Variants in RAD54L2 observed in about 807,000 individuals in gnomAD.
RAD54L2 encodes the protein RAD54 like 2, also known as helicase ARIP4.
Under a neutral mutation model 138.4 loss-of-function variants are expected in RAD54L2, and 27 were observed. That is an observed-to-expected ratio of 0.20 (90% confidence interval 0.14 to 0.27). The LOEUF (loss-of-function observed/expected upper bound fraction) is 0.27, where lower values mean the gene tolerates loss of function less well. Among genes scored for constraint, RAD54L2 ranks in the 10% least tolerant of loss-of-function variants. The probability of loss-of-function intolerance (pLI) is 1.00; values close to 1 mark genes in which losing one functional copy is unlikely to be tolerated. For missense variants in RAD54L2, 1,396 were observed against 1,890.2 expected (o/e 0.74, Z 4.85); for synonymous variants, 644 against 723.2 (o/e 0.89, Z 1.76).
In RAD54L2 at chr3:51,637,123, C is replaced by G. The variant is rs370461731; in HGVS notation, c.1340-38C>G. The G allele has an allele frequency of 6.6e-6, 10 of 1,521,390 alleles. No homozygotes were observed. The highest frequency in any genetic ancestry group is 8.0e-6 in the Non-Finnish European group (9 of 1,119,770). 94.2% of individuals were successfully genotyped at this position (1,521,390 alleles called of 1,614,324 possible). ...TCATATTATTGACTAAGAGCAGGCC[C>G]TGTCACCCTCTGACTCCGGATCCTC... On this transcript the variant is annotated intron_variant, in intron 10 of 22. Transcript: ENST00000684192. This position sits in a 1 kb window ranked among gnomAD's most constrained non-coding sequence, Gnocchi z 5.9.
At chr3:51,631,549 G>T (rs930032107) in intron 7 of RAD54L2, among the ~76,000 whole-genome samples, 9 of 135,018 alleles carry the variant, frequency 6.7e-5, no homozygotes, top group African/African-American at 2.2e-4. Context: ...TCGCCACGTT[G>T]CCCAAGCTGA....
At chr3:51,545,666 A>G (rs1553672123) in intron 2 of RAD54L2, among the ~76,000 whole-genome samples, 1 of 151,688 alleles carries the variant, frequency 6.6e-6, no homozygotes, top group Non-Finnish European at 1.5e-5. Flanking sequence ...TGTAGCCTTG[A>G]CCTCTCAGGC....
In RAD54L2 at chr3:51,667,543, A is replaced by C. The variant is rs1701934773; in HGVS notation, c.*4123A>C. 1 of 152,022 alleles carries C rather than the reference A, an allele frequency of 6.6e-6. No individual in the cohort carries two copies. Among genetic ancestry groups the C allele is most frequent in the Non-Finnish European group, 1.5e-5 (1 of 68,048 alleles). 9.4% of individuals were successfully genotyped at this position (152,022 alleles called of 1,614,324 possible). ...TGTGCACCCAGCTCAGTGGCTCTTC[A>C]CCCCTAAAACTAAGTGAAGTCATCC... On this transcript the variant is annotated 3_prime_UTR_variant, in exon 23 of 23. Coordinates refer to ENST00000684192, the MANE Select transcript of RAD54L2 (RefSeq NM_015106.4).
At chr3:51,646,111 A>T (rs1211212457) in intron 18 of RAD54L2, among the ~76,000 whole-genome samples, 174 bp from the exon 19 acceptor site, 3 of 152,224 alleles carry the variant, frequency 2.0e-5, no homozygotes, top group African/African-American at 7.2e-5. Context: ...AGCTGGTACT[A>T]GGTTAGAGCT....
rs921733361 is a variant in RAD54L2, at chr3:51,642,339, T to C, written c.2350+472T>C. Among the ~76,000 whole-genome samples the C allele has an allele frequency of 1.4e-3, 210 of 152,184 alleles. 1 individual carries two copies. In the Middle Eastern group the frequency reaches 0.017, roughly 12 times the overall value. On this transcript the variant is annotated intron_variant, in intron 15 of 22. Transcript: ENST00000684192. ...ACTTTAAGGGGATGAACTTTTTTTT[T>C]TTTTTTTTGAGCAGGGGGTGGAAAT...
At chr3:51,554,364 CAAA>C (rs763034796) in intron 2 of RAD54L2, among the ~76,000 whole-genome samples, 2 of 117,254 alleles carry the variant, frequency 1.7e-5, no homozygotes, top group Admixed American at 9.1e-5. Flanking sequence ...GAGACTCTTT[CAAA>C]AAAAAAAAAA....
intron 2 of RAD54L2, among the ~76,000 whole-genome samples, chr3:51,564,318 A>G (rs1179504366): frequency 3.9e-5 from 6 of 152,196 alleles, no homozygotes; most frequent in Non-Finnish European, 7.4e-5. Flanking sequence ...TTTCTTTTCT[A>G]TTCTTCTCTT....
chr3:51,542,724 A>G (rs555238880), intron 2 of RAD54L2, among the ~76,000 whole-genome samples: 4 of 152,202 alleles, frequency 2.6e-5, no homozygotes, highest in African/African-American at 9.6e-5. Flanking sequence ...TGGCCTCCCA[A>G]AGTGCTGGGG....
intron 3 of RAD54L2, among the ~76,000 whole-genome samples, chr3:51,623,980 CAAAAAAAA>C (rs35064930): frequency 2.7e-5 from 2 of 74,042 alleles, no homozygotes; most frequent in South Asian, 8.7e-4. Flanking sequence ...CTCCGTCTCA[CAAAAAAAA>C]AAAAAAAAAA....
intron 2 of RAD54L2, among the ~76,000 whole-genome samples, chr3:51,584,704 C>A (rs1699676557): frequency 6.7e-6 from 1 of 149,014 alleles, no homozygotes; most frequent in Non-Finnish European, 1.5e-5. Flanking sequence ...AGTAACTGAA[C>A]TTTCTTTTGT....
At position 51,638,627 on chromosome 3, in the gene RAD54L2, C is replaced by G; in HGVS notation, c.1860+306C>G. On this transcript the variant is annotated intron_variant, in intron 12 of 22. Coordinates refer to ENST00000684192, the MANE Select transcript of RAD54L2 (RefSeq NM_015106.4). The surrounding 1 kb of genome is among the most constrained non-coding windows in gnomAD (Gnocchi z 4.3). ...TACTGTGGGGCAGCGTTTTTGACTG[C>G]TAGCATAATCAGAATTCAAGAGATA... The G allele has an allele frequency of 7.0e-6, 2 of 285,264 alleles. No homozygotes were observed. The highest frequency in any genetic ancestry group is 1.3e-5 in the Non-Finnish European group (2 of 152,466). The allele number at this position is 285,264 out of a possible 1,614,324, so 17.7% of individuals were successfully genotyped here.
At chr3:51,560,649 G>C (rs1437480549) in intron 2 of RAD54L2, among the ~76,000 whole-genome samples, 1 of 152,064 alleles carries the variant, frequency 6.6e-6, no homozygotes, top group Non-Finnish European at 1.5e-5. Flanking sequence ...GAGCCACCGT[G>C]CCTGGCCCCC....
At chr3:51,571,699 G>C (rs1003175083) in intron 2 of RAD54L2, among the ~76,000 whole-genome samples, 2 of 152,042 alleles carry the variant, frequency 1.3e-5, no homozygotes, top group African/African-American at 4.8e-5. Flanking sequence ...TGAGTGGTGG[G>C]ACATGCATAG....
rs532911299 is a variant in RAD54L2 at position 51,638,862 on chromosome 3, G to T, written c.1860+541G>T. On this transcript the variant is annotated intron_variant, in intron 12 of 22. Coordinates refer to ENST00000684192, the MANE Select transcript of RAD54L2 (RefSeq NM_015106.4). This position sits in a 1 kb window ranked among gnomAD's most constrained non-coding sequence, Gnocchi z 4.3. ...AGGTATGTGTCTGGGGACAAGAGGG[G>T]TTTCCAAATATTTCTTTTATAGCCA... 6.4e-4 allele frequency: 101 copies of T among 158,588 alleles called. 1 individual carries two copies. The highest frequency in any genetic ancestry group is 1.9e-3 in the South Asian group (10 of 5,316). 9.8% of individuals were successfully genotyped at this position (158,588 alleles called of 1,614,324 possible).
intron 2 of RAD54L2, among the ~76,000 whole-genome samples, chr3:51,575,967 T>A (rs1699471534): frequency 6.6e-6 from 1 of 152,226 alleles, no homozygotes; most frequent in South Asian, 2.1e-4. Flanking sequence ...CCATTCAGTA[T>A]GATATTGGCT....
intron 19 of RAD54L2, among the ~76,000 whole-genome samples, chr3:51,649,062 A>T (rs9812008): frequency 0.038 from 5,805 of 152,124 alleles, 391 homozygotes; most frequent in African/African-American, 0.13. Flanking sequence ...TTGAAAAAAG[A>T]TTAGACAAAT....
chr3:51,555,017 A>AT (rs1577384898), intron 2 of RAD54L2, among the ~76,000 whole-genome samples: 1 of 151,832 alleles, frequency 6.6e-6, no homozygotes, highest in Admixed American at 6.6e-5. Context: ...TAATTTTTGT[A>AT]TTTTTTATAG....
chr3:51,544,114 C>T lies in RAD54L2; in HGVS notation c.-55+2464C>T, dbSNP rs145518972. On this transcript the variant is annotated intron_variant, in intron 2 of 22. Transcript: ENST00000684192. ...ACCTAGTTTATTACCTACTTCAAGG[C>T]AGGAGCTTGTCTTGTTTATATCCCA... Among the ~76,000 whole-genome samples, 666 of 152,228 alleles carry T rather than the reference C, an allele frequency of 4.4e-3. 6 individuals carry two copies. The highest frequency in any genetic ancestry group is 0.015 in the African/African-American group (638 of 41,532).
intron 3 of RAD54L2, among the ~76,000 whole-genome samples, chr3:51,620,274 T>G (rs1700541043): frequency 6.7e-6 from 1 of 149,710 alleles, no homozygotes; most frequent in African/African-American, 2.5e-5. Context: ...TTTTTTTTTT[T>G]TTTTGTAGAG....
Sources: allele counts gnomAD v4.1 joint callset (sites outside exome capture counted in the v4.1 genomes callset), GRCh38; gene constraint gnomAD v4.1.1; non-coding constraint Gnocchi (gnomAD v3.1); transcripts MANE v1.5; gene names NCBI Gene and HGNC (gene_info 2026-07-23, HGNC 2026-07-21).